GOLGA1: variants seen among roughly 807,000 people sequenced by gnomAD.
GOLGA1 encodes golgin A1.
In GOLGA1, 63 loss-of-function variants were observed where a neutral mutation model predicts 119.7. The observed-to-expected ratio is 0.53, with a 90% CI of 0.43 to 0.65. The LOEUF (loss-of-function observed/expected upper bound fraction) is 0.65, where lower values mean the gene tolerates loss of function less well. Among genes scored for constraint, GOLGA1 ranks in the 30% least tolerant of loss-of-function variants. The probability of loss-of-function intolerance (pLI) is 0.00; values close to 1 mark genes in which losing one functional copy is unlikely to be tolerated. For missense variants in GOLGA1, 798 were observed against 912.8 expected (o/e 0.87, Z 1.62); for synonymous variants, 318 against 333.4 (o/e 0.95, Z 0.50).
intron 15 of GOLGA1, among the ~76,000 whole-genome samples, chr9:124,897,758 T>A (rs939209015): frequency 3.3e-5 from 5 of 152,220 alleles, no homozygotes; most frequent in African/African-American, 1.2e-4. Context: ...CTTCTCATGA[T>A]GCAATGCTAC....
chr9:124,880,462 T>C lies in GOLGA1; in HGVS notation c.*68A>G. The C allele has an allele frequency of 1.2e-6, 1 of 853,408 alleles. No individual in the cohort carries two copies. Among genetic ancestry groups the C allele is most frequent in the Non-Finnish European group, 2.0e-6 (1 of 488,686 alleles). The allele number at this position is 853,408 out of a possible 1,614,324, so 52.9% of individuals were successfully genotyped here. ...ACAGTGATTAAAAACCCACCCAGAC[T>C]GGTGTGTCAGTGTTCTTTTCACAGA... is the stretch of plus-strand genomic sequence containing the variant. On this transcript the variant is annotated 3_prime_UTR_variant, in exon 23 of 23. Coordinates refer to ENST00000373555, the MANE Select transcript of GOLGA1 (RefSeq NM_002077.4).
intron 8 of GOLGA1, 59 bp downstream of exon 8, chr9:124,923,036 T>A: frequency 8.2e-7 from 1 of 1,212,398 alleles, no homozygotes; most frequent in East Asian, 2.4e-5. Flanking sequence ...TGATGACTAG[T>A]AAAATCAGAG....
rs1353050921 is a variant in GOLGA1 at position 124,931,362 on chromosome 9, A to T, written c.180T>A (p.Leu60=). The T allele has an allele frequency of 6.2e-7, 1 of 1,600,296 alleles. No homozygotes were observed. The highest frequency in any genetic ancestry group is 1.7e-5 in the Admixed American group (1 of 59,976). Residue 60 remains leucine (L), a synonymous_variant, in exon 4 of 23, where the codon CTT becomes CTA. Coordinates refer to ENST00000373555, the MANE Select transcript of GOLGA1 (RefSeq NM_002077.4). The part of the protein sequence containing the change: ...SSSREDLSSQ[L]LRRNEQIRKL... Reference sequence around the variant, plus strand: ...TCCGTATCTGTTCATTCCTTCTCAGAAGCTGGGATGAAAGATCTTCTCTGG... The same window carrying T: ...TCCGTATCTGTTCATTCCTTCTCAGTAGCTGGGATGAAAGATCTTCTCTGG...
Position 124,889,215 on chromosome 9 carries a change from G to C in GOLGA1, c.1689C>G (p.Val563=), listed in dbSNP as rs768744895. ...RTLKAEEAAV[V]AEQEDLLRLR... The stretch of plus-strand genomic sequence containing the variant: ...GCCTCAGCAGGTCCTCCTGCTCCGC[G>C]ACCACTGCAGCCTCCTCCGCCTTGA... Residue 563 remains valine, a synonymous_variant, in exon 18 of 23, where the codon GTC becomes GTG. Coordinates refer to ENST00000373555, the MANE Select transcript of GOLGA1 (RefSeq NM_002077.4). 2 of 1,613,256 alleles carry C rather than the reference G, an allele frequency of 1.2e-6. No homozygotes were observed. Among genetic ancestry groups the C allele is most frequent in the East Asian group, 2.2e-5 (1 of 44,880 alleles).
chr9:124,886,642 T>C (rs1829726633), intron 19 of GOLGA1, among the ~76,000 whole-genome samples: 1 of 151,936 alleles, frequency 6.6e-6, no homozygotes, highest in Non-Finnish European at 1.5e-5. Context: ...ATAAGGTGCC[T>C]GCACAACGGC....
At chr9:124,923,033 T>G in intron 8 of GOLGA1, 62 bp downstream of exon 8, 2 of 1,087,776 alleles carry the variant, frequency 1.8e-6, no homozygotes, top group Non-Finnish European at 2.8e-6. Context: ...GAGTGATGAC[T>G]AGTAAAATCA....
intron 11 of GOLGA1, 42 bp downstream of exon 11, chr9:124,911,859 T>G (rs762402923): frequency 1.9e-6 from 3 of 1,583,818 alleles, no homozygotes; most frequent in Non-Finnish European, 1.7e-6. Flanking sequence ...GAATCAACCC[T>G]GCCTTTCCAA....
upstream of GOLGA1, among the ~76,000 whole-genome samples, chr9:124,942,033 T>G (rs540060857): frequency 3.3e-4 from 51 of 152,302 alleles, no homozygotes; most frequent in South Asian, 1.4e-3. Context: ...CCCCACACTT[T>G]GAGAAGCCGA....
chr9:124,920,802 C>T (rs572946156), intron 10 of GOLGA1, among the ~76,000 whole-genome samples: 23 of 140,992 alleles, frequency 1.6e-4, no homozygotes, highest in African/African-American at 5.5e-4. Context: ...GGTGTGGTGG[C>T]GGGCGCCTAT....
In GOLGA1 at chr9:124,890,412, G is replaced by C; in HGVS notation, c.1474C>G (p.Gln492Glu). The change falls in exon 16 of 23, where the codon CAA (glutamine) becomes GAA (glutamate). Residue 492 changes from glutamine (Q) to glutamate (E), a missense_variant. By Grantham distance (29) the Gln-to-Glu change is conservative. Transcript: ENST00000373555. Reference protein sequence around the residue: ...MAQALEEVRKQREEFQQQAAN... With the variant: ...MAQALEEVRKEREEFQQQAAN... Reference sequence around the variant, plus strand: ...ACCTGTTGCTGGAACTCTTCCCTTTGCTTCCGCACCTCCTCCAGGGCTTGA... The same window carrying C: ...ACCTGTTGCTGGAACTCTTCCCTTTCCTTCCGCACCTCCTCCAGGGCTTGA... The C allele has an allele frequency of 6.2e-7, 1 of 1,613,110 alleles. No individual in the cohort carries two copies. Among genetic ancestry groups the C allele is most frequent in the East Asian group, 2.2e-5 (1 of 44,874 alleles).
intron 12 of GOLGA1, among the ~76,000 whole-genome samples, chr9:124,901,242 G>C (rs1274250247): frequency 6.7e-6 from 1 of 149,086 alleles, no homozygotes; most frequent in Non-Finnish European, 1.5e-5. Flanking sequence ...AAGTGCTGGG[G>C]CTACAGGCGT....
In GOLGA1 at chr9:124,882,095, T is replaced by G. The variant is rs112456952; in HGVS notation, c.1966-141A>C. The G allele has an allele frequency of 6.7e-3, 4,246 of 633,198 alleles. 115 individuals carry two copies. The highest frequency in any genetic ancestry group is 0.065 in the African/African-American group (3,516 of 54,490). 39.2% of individuals were successfully genotyped at this position (633,198 alleles called of 1,614,324 possible). On this transcript the variant is annotated intron_variant, in intron 20 of 22. Transcript: ENST00000373555. Reference sequence around the variant, plus strand: ...CACCTGGGAAGGAAGCACCTCCAGGTAGGCTTGAGGAGGGAGTGACATCGT... The same window carrying G: ...CACCTGGGAAGGAAGCACCTCCAGGGAGGCTTGAGGAGGGAGTGACATCGT...
rs1389203731 is a variant in GOLGA1, at chr9:124,890,402, T to C, written c.1484A>G (p.Glu495Gly). 9 of 1,612,092 alleles carry C rather than the reference T, an allele frequency of 5.6e-6. No individual in the cohort carries two copies. Among genetic ancestry groups the C allele is most frequent in the Non-Finnish European group, 7.6e-6 (9 of 1,178,072 alleles). ...AACAGGGCCCACCTGTTGCTGGAAC[T>C]CTTCCCTTTGCTTCCGCACCTCCTC... ...ALEEVRKQRE[E>G]FQQQAANLTA... The change falls in exon 16 of 23, where the codon GAG becomes GGG. Residue 495 changes from glutamate to glycine, a missense_variant. By Grantham distance (98) the Glu-to-Gly change is moderately conservative. Transcript: ENST00000373555.
At chr9:124,900,388 T>C (rs756482543) in intron 13 of GOLGA1, 64 bp downstream of exon 13, 2 of 853,086 alleles carry the variant, frequency 2.3e-6, no homozygotes, top group Non-Finnish European at 4.0e-6. Context: ...GTTTGGAGCA[T>C]CTGCAAAGGC....
At chr9:124,885,487 A>G (rs1829701076) in intron 19 of GOLGA1, among the ~76,000 whole-genome samples, 1 of 149,128 alleles carries the variant, frequency 6.7e-6, no homozygotes, top group Non-Finnish European at 1.5e-5. Flanking sequence ...TCTGTCTCAA[A>G]AAAAAAAAAA....
At chr9:124,947,056 A>G (rs933291404) in intron 1 of GOLGA1, 2 of 152,214 alleles carry the variant, frequency 1.3e-5, no homozygotes, top group African/African-American at 2.4e-5. Flanking sequence ...TCATAGAGAC[A>G]CATAAAACAC....
At chr9:124,939,360 G>C (rs1830948421) in intron 2 of GOLGA1, among the ~76,000 whole-genome samples, 1 of 151,982 alleles carries the variant, frequency 6.6e-6, no homozygotes, top group Non-Finnish European at 1.5e-5. Flanking sequence ...ATATGTAAAA[G>C]GTGTAATATC....
chr9:124,941,899 G>C (rs1314896731), upstream of GOLGA1, among the ~76,000 whole-genome samples: 1 of 152,168 alleles, frequency 6.6e-6, no homozygotes, highest in Non-Finnish European at 1.5e-5. Context: ...TGGGCACCGT[G>C]GCGAGACTCC....
chr9:124,884,485 G>A (rs1829669036), intron 19 of GOLGA1, among the ~76,000 whole-genome samples: 1 of 152,216 alleles, frequency 6.6e-6, no homozygotes, highest in Non-Finnish European at 1.5e-5. Context: ...AATGTCTAAT[G>A]TGACAGGAAC....
Sources: allele counts gnomAD v4.1 joint callset (sites outside exome capture counted in the v4.1 genomes callset), GRCh38; gene constraint gnomAD v4.1.1; transcripts MANE v1.5; gene names NCBI Gene and HGNC (gene_info 2026-07-23, HGNC 2026-07-21).